SMARCA2: variants seen among roughly 807,000 people sequenced by gnomAD.
The protein encoded by SMARCA2 is SWI/SNF related BAF chromatin remodeling complex subunit ATPase 2.
SMARCA2 carries 61 observed loss-of-function variants against 199.8 expected under a neutral mutation model. The ratio of observed to expected loss-of-function variants is 0.31; its 90% CI spans 0.25 to 0.38. The LOEUF is 0.38. Among genes scored for constraint, SMARCA2 ranks in the 10% least tolerant of loss-of-function variants. The pLI is 1.00. For synonymous variants in SMARCA2, 935 were observed against 732.0 expected, an observed-to-expected ratio of 1.28 and a Z score of -4.48; for missense variants, 1,344 against 2,012.2, an observed-to-expected ratio of 0.67 and a Z score of 6.35.
rs768360622 is a variant in SMARCA2 at position 2,192,931 on chromosome 9, G to C, written c.*192G>C. 3.7e-6 allele frequency: 2 copies of C among 536,378 alleles called. No individual in the cohort carries two copies. 33.2% of individuals were successfully genotyped at this position (536,378 alleles called of 1,614,324 possible). On this transcript the variant is annotated 3_prime_UTR_variant, in exon 34 of 34. Coordinates refer to ENST00000349721, the MANE Select transcript of SMARCA2 (RefSeq NM_003070.5). ...AAAACACACACATACACAAATATTT[G>C]TAACATATTGTGACCAAATGGGCCT...
chr9:2,129,514 C>T (rs953413699), intron 27 of SMARCA2, among the ~76,000 whole-genome samples: 2 of 152,216 alleles, frequency 1.3e-5, no homozygotes, highest in Non-Finnish European at 2.9e-5. Context: ...CAGCGTCCAT[C>T]AGTCCTCCAG....
chr9:2,161,982 A>G lies in SMARCA2; in HGVS notation c.4199+79A>G, dbSNP rs1371922299. 5.2e-6 allele frequency: 6 copies of G among 1,145,464 alleles called. No individual in the cohort carries two copies. Among genetic ancestry groups the G allele is most frequent in the South Asian group, 2.9e-5 (2 of 69,860 alleles). 71.0% of individuals were successfully genotyped at this position (1,145,464 alleles called of 1,614,324 possible). A position where few individuals can be genotyped will look rare whatever the true frequency, so the allele number is the denominator to read the frequency against. On this transcript the variant is annotated intron_variant, in intron 28 of 33. Transcript: ENST00000349721. This position sits in a 1 kb window ranked among gnomAD's most constrained non-coding sequence, Gnocchi z 4.7. Reference sequence around the variant, plus strand: ...GCTCCCTGAGGAGCAGGAGTTGTTAAGTTGTGCACTTAGGTTTTATTAAGG... The same window carrying G: ...GCTCCCTGAGGAGCAGGAGTTGTTAGGTTGTGCACTTAGGTTTTATTAAGG...
chr9:2,097,989 G>C (rs773250031), intron 21 of SMARCA2, among the ~76,000 whole-genome samples: 2 of 152,144 alleles, frequency 1.3e-5, no homozygotes, highest in Non-Finnish European at 2.9e-5. Context: ...GTAAATCCAG[G>C]CTTTCATCCT....
chr9:2,031,047 C>T (rs1166279121), intron 2 of SMARCA2, among the ~76,000 whole-genome samples: 1 of 152,136 alleles, frequency 6.6e-6, no homozygotes, highest in Non-Finnish European at 1.5e-5. Context: ...TCTGTATGTT[C>T]ATTACAAATA....
intron 32 of SMARCA2, among the ~76,000 whole-genome samples, chr9:2,190,601 TAG>T (rs779583526): frequency 2.6e-5 from 4 of 151,524 alleles, no homozygotes. Context: ...TTATATTCTA[TAG>T]AGAGACTTTT....
intron 24 of SMARCA2, among the ~76,000 whole-genome samples, chr9:2,114,207 G>C (rs1178597955): frequency 6.6e-6 from 1 of 152,162 alleles, no homozygotes; most frequent in South Asian, 2.1e-4. Flanking sequence ...CTTTGGATTT[G>C]AATGATCCAC....
chr9:2,188,036 CAAATATATT>C (rs1563844096), intron 32 of SMARCA2, among the ~76,000 whole-genome samples: 1 of 152,048 alleles, frequency 6.6e-6, no homozygotes, highest in Admixed American at 6.6e-5. Flanking sequence ...TTTACCTTTT[CAAATATATT>C]AAAAGTATAG....
rs758943491 is a variant in SMARCA2, at chr9:2,193,485, C to T, written c.*746C>T. The T allele has an allele frequency of 6.6e-6, 1 of 152,644 alleles. No individual in the cohort carries two copies. The highest frequency in any genetic ancestry group is 1.5e-5 in the Non-Finnish European group (1 of 68,058). The allele number at this position is 152,644 out of a possible 1,614,324, so 9.5% of individuals were successfully genotyped here. Reference sequence around the variant, plus strand: ...ACCAATGTGTATCGTCTCCTTCTCCCTAAAGTGTACTTAATCTTTGCTTTC... The same window carrying T: ...ACCAATGTGTATCGTCTCCTTCTCCTTAAAGTGTACTTAATCTTTGCTTTC... On this transcript the variant is annotated 3_prime_UTR_variant, in exon 34 of 34. Coordinates refer to ENST00000349721, the MANE Select transcript of SMARCA2 (RefSeq NM_003070.5).
At chr9:2,182,915 T>C (rs1827158854) in intron 31 of SMARCA2, among the ~76,000 whole-genome samples, 2 of 151,908 alleles carry the variant, frequency 1.3e-5, no homozygotes, top group South Asian at 2.1e-4. Flanking sequence ...CTTAGCCTCC[T>C]GAGTAGCTGG....
At chr9:2,096,808 C>G (rs1483373829) in intron 20 of SMARCA2, 44 bp downstream of exon 20, 1 of 1,109,992 alleles carries the variant, frequency 9.0e-7, no homozygotes, top group Admixed American at 1.7e-5. Flanking sequence ...TGTGGTATGT[C>G]TTCTCATGGC....
intron 27 of SMARCA2, among the ~76,000 whole-genome samples, chr9:2,134,938 G>A (rs1306484311): frequency 1.3e-5 from 2 of 152,136 alleles, no homozygotes; most frequent in East Asian, 1.9e-4. Flanking sequence ...ATAAGTGTAT[G>A]TTATTTATAA....
chr9:2,189,696 A>G (rs1384849064), intron 32 of SMARCA2, among the ~76,000 whole-genome samples: 1 of 152,058 alleles, frequency 6.6e-6, no homozygotes, highest in Non-Finnish European at 1.5e-5. Flanking sequence ...CTTGTCAAGC[A>G]GCAGACAGTG....
chr9:2,122,816 G>A (rs770079176), intron 26 of SMARCA2, among the ~76,000 whole-genome samples: 1 of 152,174 alleles, frequency 6.6e-6, no homozygotes, highest in African/African-American at 2.4e-5. Flanking sequence ...GACACATCTC[G>A]CTAGTGTTTA....
rs1272023017 is a variant in SMARCA2 at position 2,176,233 on chromosome 9, A to C, written c.4254-5338A>C. Among the ~76,000 whole-genome samples the C allele has an allele frequency of 2.3e-5, 3 of 131,464 alleles. No individual in the cohort carries two copies. The East Asian group carries it at 6.3e-4, about 27-fold the overall frequency. The allele number at this position is 131,464 out of a possible 152,430, so 86.2% of individuals were successfully genotyped here. On this transcript the variant is annotated intron_variant, in intron 29 of 33. Coordinates refer to ENST00000349721, the MANE Select transcript of SMARCA2 (RefSeq NM_003070.5). ...TGACGTAACAAGCATTTTTTTCTTTAAAATACATAATTTTAGACTCTCTTG... is the reference window on the plus strand; with the variant it reads ...TGACGTAACAAGCATTTTTTTCTTTCAAATACATAATTTTAGACTCTCTTG...
chr9:2,123,617 C>T lies in SMARCA2; in HGVS notation c.3763-102C>T. On this transcript the variant is annotated intron_variant, in intron 26 of 33. Coordinates refer to ENST00000349721, the MANE Select transcript of SMARCA2 (RefSeq NM_003070.5). The surrounding 1 kb of genome is among the most constrained non-coding windows in gnomAD (Gnocchi z 4.1). ...CAGGATGAGAGAGGTTGAAAGGGACCCTGCAGCCATAGGAAGTGACTTGGG... is the reference window on the plus strand; with the variant it reads ...CAGGATGAGAGAGGTTGAAAGGGACTCTGCAGCCATAGGAAGTGACTTGGG... 1 of 984,376 alleles carries T rather than the reference C, an allele frequency of 1.0e-6. No individual in the cohort carries two copies. The highest frequency in any genetic ancestry group is 1.6e-6 in the Non-Finnish European group (1 of 629,834). 61.0% of individuals were successfully genotyped at this position (984,376 alleles called of 1,614,324 possible). A position where few individuals can be genotyped will look rare whatever the true frequency, so the allele number is the denominator to read the frequency against.
At chr9:2,173,115 G>A (rs2129759003) in intron 29 of SMARCA2, among the ~76,000 whole-genome samples, 1 of 152,304 alleles carries the variant, frequency 6.6e-6, no homozygotes, top group East Asian at 1.9e-4. Flanking sequence ...TGCCCTGAGT[G>A]ATCAGTGAAC....
chr9:2,101,396 G>T (rs750603327), intron 21 of SMARCA2, among the ~76,000 whole-genome samples, 174 bp from the exon 22 acceptor site: 1 of 152,096 alleles, frequency 6.6e-6, no homozygotes, highest in Non-Finnish European at 1.5e-5. Flanking sequence ...TGGAACAAAA[G>T]TCTGCATGCA....
chr9:2,159,732 C>G lies in SMARCA2; in HGVS notation c.3982-1954C>G, dbSNP rs1825566983. 3 of 1,515,736 alleles carry G rather than the reference C, an allele frequency of 2.0e-6. No homozygotes were observed. The Admixed American group carries it at 6.0e-5, about 30-fold the overall frequency. 93.9% of individuals were successfully genotyped at this position (1,515,736 alleles called of 1,614,324 possible). A position where few individuals can be genotyped will look rare whatever the true frequency, so the allele number is the denominator to read the frequency against. ...CAGATTTGAGTATCCACAATCCTTTCAGTATTAAATTTTCAGTAAAATAAA... is the reference window on the plus strand; with the variant it reads ...CAGATTTGAGTATCCACAATCCTTTGAGTATTAAATTTTCAGTAAAATAAA... On this transcript the variant is annotated intron_variant, in intron 27 of 33. Transcript: ENST00000349721.
Position 2,159,001 on chromosome 9 carries a change from T to G in SMARCA2, c.3982-2685T>G, listed in dbSNP as rs760639306. 20 of 1,611,326 alleles carry G rather than the reference T, an allele frequency of 1.2e-5. No individual in the cohort carries two copies. In the East Asian group the frequency reaches 4.5e-4, roughly 36 times the overall value. On this transcript the variant is annotated intron_variant, in intron 27 of 33. Coordinates refer to ENST00000349721, the MANE Select transcript of SMARCA2 (RefSeq NM_003070.5). ...ATGGTCAGTACTTTGTGTGTTTCCTTGTAATTCCAAAACCTAAATTTAATA... is the reference window on the plus strand; with the variant it reads ...ATGGTCAGTACTTTGTGTGTTTCCTGGTAATTCCAAAACCTAAATTTAATA...
Sources: allele counts gnomAD v4.1 joint callset (sites outside exome capture counted in the v4.1 genomes callset), GRCh38; gene constraint gnomAD v4.1.1; non-coding constraint Gnocchi (gnomAD v3.1); transcripts MANE v1.5; gene names NCBI Gene and HGNC (gene_info 2026-07-23, HGNC 2026-07-21).